Variants in PCDH11Y observed in about 807,000 individuals in gnomAD.
The protein encoded by PCDH11Y is protocadherin-11 Y-linked.
For synonymous variants in PCDH11Y, 9 were observed against 83.6 expected, an observed-to-expected ratio of 0.11 and a Z score of 4.87; for missense variants, 12 against 224.8, an observed-to-expected ratio of 0.05 and a Z score of 6.05.
chrY:5,174,148 A>T, intron 2 of PCDH11Y, among the ~76,000 whole-genome samples: 2 of 23,595 alleles, frequency 8.5e-5, no homozygotes. Context: ...TGATATATAT[A>T]TATATATATA....
chrY:5,587,490 T>C (rs1602947052), intron 4 of PCDH11Y, among the ~76,000 whole-genome samples: 1 of 32,591 alleles, frequency 3.1e-5, no homozygotes, highest in Non-Finnish European at 7.6e-5. Context: ...GCTGTTGTTG[T>C]TGATTTTCTG....
At chrY:5,235,460 C>A (rs2052973867) in intron 2 of PCDH11Y, among the ~76,000 whole-genome samples, 1 of 32,436 alleles carries the variant, frequency 3.1e-5, no homozygotes. Flanking sequence ...TTATTCTCAT[C>A]TTTGTGTCCA....
chrY:5,238,267 C>G, intron 2 of PCDH11Y, among the ~76,000 whole-genome samples: 2 of 32,753 alleles, frequency 6.1e-5, no homozygotes, highest in Admixed American at 2.8e-4. Context: ...GAAATAATGC[C>G]ACACATCTAC....
chrY:5,594,562 C>T (rs2124698845), intron 4 of PCDH11Y, among the ~76,000 whole-genome samples: 2 of 33,371 alleles, frequency 6.0e-5, no homozygotes, highest in South Asian at 1.4e-3. Flanking sequence ...GGGGAAGGGC[C>T]GTGGGCCTGA....
chrY:5,594,951 C>G (rs1602948167), intron 4 of PCDH11Y, among the ~76,000 whole-genome samples: 1 of 31,815 alleles, frequency 3.1e-5, no homozygotes, highest in East Asian at 8.5e-4. Context: ...GCTGCCCTTA[C>G]TACTTCTCTA....
chrY:5,340,500 G>A (rs1602907576), intron 2 of PCDH11Y, among the ~76,000 whole-genome samples: 2 of 31,233 alleles, frequency 6.4e-5, no homozygotes, highest in East Asian at 1.7e-3. Flanking sequence ...CTACTACTAA[G>A]TCTCTCTCAT....
chrY:5,238,968 C>G (rs2052984501), intron 2 of PCDH11Y, among the ~76,000 whole-genome samples: 1 of 32,340 alleles, frequency 3.1e-5, no homozygotes, highest in African/African-American at 1.2e-4. Context: ...CACTTTTACA[C>G]TGTTGGTGGG....
intron 4 of PCDH11Y, chrY:5,634,747 T>TTACC: frequency 2.9e-5 from 1 of 34,795 alleles, no homozygotes; most frequent in East Asian, 7.3e-4. Context: ...CGCTAACGCA[T>TTACC]TACCAGTCGT....
chrY:5,485,744 A>G (rs1602932383), intron 2 of PCDH11Y, among the ~76,000 whole-genome samples: 9 of 31,425 alleles, frequency 2.9e-4, no homozygotes, highest in African/African-American at 1.1e-3. Context: ...TCAGAAATGA[A>G]TCATGGAACT....
intron 3 of PCDH11Y, among the ~76,000 whole-genome samples, chrY:5,520,521 A>C (rs1602937482): frequency 2.4e-4 from 8 of 33,101 alleles, no homozygotes; most frequent in East Asian, 8.0e-4. Flanking sequence ...GAAATTAGTT[A>C]CCTATTGATA....
At chrY:5,374,411 A>G (rs1602914564) in intron 2 of PCDH11Y, among the ~76,000 whole-genome samples, 4 of 25,835 alleles carry the variant, frequency 1.5e-4, no homozygotes, top group Admixed American at 7.4e-4. Flanking sequence ...CTCTCTCTCT[A>G]TGTGTGTGTG....
intron 3 of PCDH11Y, among the ~76,000 whole-genome samples, chrY:5,560,102 G>C: frequency 1.2e-4 from 4 of 32,947 alleles, no homozygotes; most frequent in Non-Finnish European, 2.2e-4. Context: ...GAGCAAAAGT[G>C]ACCCTTGTTA....
At chrY:5,310,158 C>CA (rs2053097691) in intron 2 of PCDH11Y, among the ~76,000 whole-genome samples, 61 of 14,046 alleles carry the variant, frequency 4.3e-3, no homozygotes, top group African/African-American at 8.9e-3. Context: ...ATTATAGAAG[C>CA]AAAAAAAAAA....
intron 4 of PCDH11Y, among the ~76,000 whole-genome samples, chrY:5,700,140 TCTC>T: frequency 6.1e-5 from 2 of 32,918 alleles, no homozygotes; most frequent in East Asian, 1.6e-3. Flanking sequence ...AATCTTGACT[TCTC>T]CTCCATAGTA....
At chrY:5,194,866 G>T (rs2052917047) in intron 2 of PCDH11Y, among the ~76,000 whole-genome samples, 1 of 33,149 alleles carries the variant, frequency 3.0e-5, no homozygotes, top group Non-Finnish European at 7.4e-5. Context: ...CCTGCTGATT[G>T]GTCCATTTTA....
intron 2 of PCDH11Y, among the ~76,000 whole-genome samples, chrY:5,326,237 G>A (rs2124666512): frequency 3.0e-5 from 1 of 32,820 alleles, no homozygotes; most frequent in Admixed American, 2.8e-4. Context: ...TTTATTCAGT[G>A]AAAGTGTCTA....
At chrY:5,154,187 C>T (rs2052866998) in intron 2 of PCDH11Y, among the ~76,000 whole-genome samples, 37 of 31,477 alleles carry the variant, frequency 1.2e-3, no homozygotes, top group African/African-American at 4.6e-3. Flanking sequence ...AGCCCTGTCA[C>T]AAGCAGTAGC....
At chrY:5,162,159 G>T in intron 2 of PCDH11Y, among the ~76,000 whole-genome samples, 1 of 32,965 alleles carries the variant, frequency 3.0e-5, no homozygotes, top group Non-Finnish European at 7.5e-5. Context: ...AAGCCATCCA[G>T]TAGTATTACA....
At chrY:5,126,181 T>G in intron 2 of PCDH11Y, among the ~76,000 whole-genome samples, 1 of 33,000 alleles carries the variant, frequency 3.0e-5, no homozygotes. Context: ...CTAATTCCTT[T>G]TAACTGTGGG....
Sources: gnomAD v4.1 joint callset for allele counts (sites outside exome capture counted in the v4.1 genomes callset) on GRCh38, gnomAD v4.1.1 for gene constraint, MANE v1.5 for transcripts, NCBI Gene and HGNC (gene_info 2026-07-23, HGNC 2026-07-21) for gene names.